DLGAP3: variants seen among roughly 807,000 people sequenced by gnomAD.
DLGAP3 encodes disks large-associated protein 3.
DLGAP3 carries 17 observed loss-of-function variants against 81.2 expected under a neutral mutation model. The ratio of observed to expected loss-of-function variants is 0.21; its 90% CI spans 0.14 to 0.31. The LOEUF is 0.31. Among genes scored for constraint, DLGAP3 ranks in the 10% least tolerant of loss-of-function variants. DLGAP3 has a pLI of 1.00. For missense variants in DLGAP3, 1,124 were observed against 1,388.0 expected (o/e 0.81, Z 3.02); for synonymous variants, 577 against 587.4 (o/e 0.98, Z 0.26).
At chr1:34,885,828 C>T in intron 6 of DLGAP3, 37 bp from the exon 7 acceptor site, 3 of 1,381,912 alleles carry the variant, frequency 2.2e-6, no homozygotes, top group East Asian at 2.6e-5. Flanking sequence ...GTGGGTGAGG[C>T]TCGCGGCCCT....
At chr1:34,894,749 T>C (rs1054600447) in intron 5 of DLGAP3, among the ~76,000 whole-genome samples, 2 of 151,986 alleles carry the variant, frequency 1.3e-5, no homozygotes, top group East Asian at 3.9e-4. Flanking sequence ...GAGGAAACAA[T>C]GAGATGTAAG....
chr1:34,885,863 A>C (rs1009745160), intron 6 of DLGAP3, 72 bp from the exon 7 acceptor site: 54 of 1,285,168 alleles, frequency 4.2e-5, no homozygotes, highest in Non-Finnish European at 5.4e-5. Flanking sequence ...CCCGCGCCCG[A>C]CTCCCACCCT....
rs199911206 is a variant in DLGAP3, at chr1:34,899,688, C to T, written c.1367G>A (p.Arg456His). 32 of 1,613,896 alleles carry T rather than the reference C, an allele frequency of 2.0e-5. No individual in the cohort carries two copies. The highest frequency in any genetic ancestry group is 1.7e-4 in the Middle Eastern group (1 of 6,000). The stretch of plus-strand genomic sequence containing the variant: ...CCCTACCTGTCCAGTGGTGAGGGAA[C>T]GGCTGTAGCCAGGGATGGAGCTCCG... ...HPRSSIPGYS[R>H]SLTTGQLSDE... The change falls in exon 5 of 12, where the codon CGT (arginine) becomes CAT (histidine). Residue 456 changes from arginine to histidine, a missense_variant. This residue lies in a region of DLGAP3 where 357 missense variants were observed against 408.8 expected (regional missense o/e 0.87). Transcript: ENST00000373347.
chr1:34,885,642 C>G lies in DLGAP3; in HGVS notation c.1750G>C (p.Gly584Arg), dbSNP rs758633816. ...GCACCCATGGCGGGGCCGTCCAGCC[C>G]GTCGGCGGAGCTGCAGCGCCGGGCG... ...GPARRCSSAD[G>R]LDGPAMGART... Residue 584 changes from glycine to arginine, a missense_variant, in exon 7 of 12, where the codon GGG becomes CGG. Transcript: ENST00000373347. 1.0e-5 allele frequency: 15 copies of G among 1,485,032 alleles called. No individual in the cohort carries two copies. The highest frequency in any genetic ancestry group is 2.3e-5 in the Admixed American group (1 of 42,750). 92.0% of individuals were successfully genotyped at this position (1,485,032 alleles called of 1,614,324 possible). A position where few individuals can be genotyped will look rare whatever the true frequency, so the allele number is the denominator to read the frequency against.
chr1:34,926,882 AG>A (rs940029618), intron 1 of DLGAP3, among the ~76,000 whole-genome samples: 1 of 152,192 alleles, frequency 6.6e-6, no homozygotes, highest in African/African-American at 2.4e-5. Flanking sequence ...CAATAAGGTA[AG>A]GAATGGTCTA....
Position 34,868,929 on chromosome 1 carries a change from G to C in DLGAP3, c.2161C>G (p.Arg721Gly). 4 of 1,608,978 alleles carry C rather than the reference G, an allele frequency of 2.5e-6. No individual in the cohort carries two copies. The highest frequency in any genetic ancestry group is 3.4e-6 in the Non-Finnish European group (4 of 1,179,778). The part of the protein sequence containing the change: ...RHASEPQPGP[R>G]APTYSVFRTV... Reference sequence around the variant, plus strand: ...CGGAAGACTGAGTAGGTGGGGGCCCGGGGCCCAGGCTGGGGCTCAGAGGCG... The same window carrying C: ...CGGAAGACTGAGTAGGTGGGGGCCCCGGGCCCAGGCTGGGGCTCAGAGGCG... Residue 721 changes from arginine (R) to glycine (G), a missense_variant, in exon 9 of 12, where the codon CGG becomes GGG. By Grantham distance (125) the Arg-to-Gly change is moderately radical. Transcript: ENST00000373347. This position sits in a 1 kb window ranked among gnomAD's most constrained non-coding sequence, Gnocchi z 7.5.
At chr1:34,891,143 CAAAG>C (rs1557475747) in intron 5 of DLGAP3, among the ~76,000 whole-genome samples, 1 of 152,184 alleles carries the variant, frequency 6.6e-6, no homozygotes, top group African/African-American at 2.4e-5. Context: ...AGACATACAA[CAAAG>C]AAACATGTAT....
intron 8 of DLGAP3, among the ~76,000 whole-genome samples, chr1:34,872,935 G>A (rs1327824133): frequency 5.3e-5 from 8 of 152,208 alleles, no homozygotes; most frequent in African/African-American, 1.9e-4. Flanking sequence ...TTGTGATAAT[G>A]TTTCAGCAGG....
intron 11 of DLGAP3, among the ~76,000 whole-genome samples, 190 bp downstream of exon 11, chr1:34,866,858 G>A (rs1638889992): frequency 6.6e-6 from 1 of 152,252 alleles, no homozygotes; most frequent in Admixed American, 6.5e-5. Context: ...GAGCACTGGG[G>A]CCAAGCAGAC....
In DLGAP3 at chr1:34,886,833, T is replaced by TATA. The variant is rs1254012572; in HGVS notation, c.1387-549_1387-548insTAT. 4.7e-5 allele frequency among the ~76,000 whole-genome samples: 7 copies of TATA among 150,418 alleles called. No individual in the cohort carries two copies. The Admixed American group carries it at 4.7e-4, about 10-fold the overall frequency. On this transcript the variant is annotated intron_variant, in intron 5 of 11. Transcript: ENST00000373347. ...ATATATACTATATATATACACTACATGTATATATGCTATATATATATAAAA... is the reference window on the plus strand; with the variant it reads ...ATATATACTATATATATACACTACATATAGTATATATGCTATATATATATAAAA...
intron 8 of DLGAP3, among the ~76,000 whole-genome samples, chr1:34,881,629 A>C (rs1639146303): frequency 6.6e-6 from 1 of 151,926 alleles, no homozygotes; most frequent in African/African-American, 2.4e-5. Context: ...AGAAAAATAC[A>C]CTTGTTTAAG....
rs557579403 is a variant in DLGAP3, at chr1:34,905,136, C to G, written c.248G>C (p.Gly83Ala). ...CCTGGGGAAGGTGCTGCTACCCCCC[C>G]CAACCCCGGCCCCCGCTGGCCCTCC... is the stretch of plus-strand genomic sequence containing the variant. ...PEGGPAGAGV[G>A]GGSSTFPRMY... Residue 83 changes from glycine to alanine, a missense_variant, in exon 3 of 12, where the codon GGG becomes GCG. By Grantham distance (60) the Gly-to-Ala change is moderately conservative. Transcript: ENST00000373347. 2.4e-5 allele frequency: 38 copies of G among 1,570,326 alleles called. No individual in the cohort carries two copies. The highest frequency in any genetic ancestry group is 2.7e-5 in the Non-Finnish European group (31 of 1,157,260).
chr1:34,888,415 G>A (rs1279025963), intron 5 of DLGAP3, among the ~76,000 whole-genome samples: 3 of 152,178 alleles, frequency 2.0e-5, no homozygotes, highest in Non-Finnish European at 4.4e-5. Context: ...GGCTGACTGA[G>A]CAACAGATTC....
At chr1:34,926,302 C>A (rs1005117417) in intron 1 of DLGAP3, among the ~76,000 whole-genome samples, 1 of 152,176 alleles carries the variant, frequency 6.6e-6, no homozygotes, top group Admixed American at 6.5e-5. Flanking sequence ...AGAGATGCTG[C>A]ATGGAGCCCA....
intron 1 of DLGAP3, among the ~76,000 whole-genome samples, chr1:34,908,467 T>C (rs1008633796): frequency 1.3e-5 from 2 of 152,030 alleles, no homozygotes; most frequent in Non-Finnish European, 2.9e-5. Context: ...TTCTAAGGGG[T>C]AGGCTCAGAG....
At chr1:34,869,831 A>C (rs1638953085) in intron 8 of DLGAP3, among the ~76,000 whole-genome samples, 2 of 152,200 alleles carry the variant, frequency 1.3e-5, no homozygotes, top group Non-Finnish European at 2.9e-5. Context: ...CACCAGCTGC[A>C]CTAGAGTGTC....
In DLGAP3 at chr1:34,868,517, T is replaced by C; in HGVS notation, c.2485+88A>G. On this transcript the variant is annotated intron_variant, in intron 9 of 11. Transcript: ENST00000373347. This position sits in a 1 kb window ranked among gnomAD's most constrained non-coding sequence, Gnocchi z 7.5. ...CAACCGAAGGGGCCTCCTGTTACAC[T>C]GCAGCCCCAGCCACCCCCATCAGGG... 1 of 1,161,144 alleles carries C rather than the reference T, an allele frequency of 8.6e-7. No homozygotes were observed. The highest frequency in any genetic ancestry group is 1.3e-6 in the Non-Finnish European group (1 of 780,288). The allele number at this position is 1,161,144 out of a possible 1,614,324, so 71.9% of individuals were successfully genotyped here.
intron 5 of DLGAP3, among the ~76,000 whole-genome samples, chr1:34,888,872 C>T (rs1042891401): frequency 6.6e-6 from 1 of 152,216 alleles, no homozygotes; most frequent in African/African-American, 2.4e-5. Flanking sequence ...TATTTCTGGG[C>T]TAGGCTCAAG....
At chr1:34,880,368 A>G (rs775989521) in intron 8 of DLGAP3, among the ~76,000 whole-genome samples, 1 of 152,212 alleles carries the variant, frequency 6.6e-6, no homozygotes, top group African/African-American at 2.4e-5. Flanking sequence ...ATGTTTAATT[A>G]TAAAATATAC....
Sources: gnomAD v4.1 joint callset for allele counts (sites outside exome capture counted in the v4.1 genomes callset) on GRCh38, gnomAD v4.1.1 for gene constraint, gnomAD v4.1.1 regional missense constraint, Gnocchi (gnomAD v3.1) non-coding constraint, MANE v1.5 for transcripts, NCBI Gene and HGNC (gene_info 2026-07-23, HGNC 2026-07-21) for gene names.